Variants in NCK2 observed in about 807,000 individuals in gnomAD.
NCK2 encodes the protein cytoplasmic protein NCK2.
In NCK2, 16 loss-of-function variants were observed where a neutral mutation model predicts 33.9. The ratio of observed to expected loss-of-function variants is 0.47; its 90% confidence interval spans 0.32 to 0.72. The LOEUF (loss-of-function observed/expected upper bound fraction) is 0.72, where lower values mean the gene tolerates loss of function less well. Ranked by LOEUF, NCK2 falls within the 30% of genes least tolerant of loss-of-function variation. The pLI is 0.03. For synonymous variants in NCK2, 273 were observed against 239.9 expected (o/e 1.14, Z -1.27); for missense variants, 418 against 537.3 (o/e 0.78, Z 2.19).
chr2:105,774,225 T>C (rs1573576500), intron 1 of NCK2, among the ~76,000 whole-genome samples: 1 of 152,012 alleles, frequency 6.6e-6, no homozygotes, highest in African/African-American at 2.4e-5. Flanking sequence ...GCCAGGCTGG[T>C]CTCGAACTCC....
At chr2:105,824,814 A>G (rs1356567977) in intron 2 of NCK2, among the ~76,000 whole-genome samples, 2 of 152,152 alleles carry the variant, frequency 1.3e-5, no homozygotes, top group Non-Finnish European at 2.9e-5. Flanking sequence ...CACAGGCAGG[A>G]CAGTAACACA....
intron 2 of NCK2, among the ~76,000 whole-genome samples, chr2:105,843,819 C>T (rs1676742946): frequency 6.6e-6 from 1 of 152,172 alleles, no homozygotes; most frequent in Non-Finnish European, 1.5e-5. Context: ...ATGCTTTGCC[C>T]TCAAGGAGAT....
intron 3 of NCK2, among the ~76,000 whole-genome samples, chr2:105,875,266 G>A (rs991296874): frequency 6.6e-6 from 1 of 152,156 alleles, no homozygotes; most frequent in African/African-American, 2.4e-5. Context: ...TCTGTCACTC[G>A]TCTCATCTGT....
chr2:105,807,631 C>G (rs915844554), intron 1 of NCK2, among the ~76,000 whole-genome samples: 1 of 152,006 alleles, frequency 6.6e-6, no homozygotes, highest in Non-Finnish European at 1.5e-5. Flanking sequence ...GCCCTTGAGC[C>G]CCTGCGGAGG....
chr2:105,815,780 G>A (rs1411617172), intron 1 of NCK2, among the ~76,000 whole-genome samples: 1 of 152,208 alleles, frequency 6.6e-6, no homozygotes, highest in Non-Finnish European at 1.5e-5. Flanking sequence ...AGAGAGGAAC[G>A]AGTCTCTAAA....
At chr2:105,775,732 G>T (rs1459309911) in intron 1 of NCK2, among the ~76,000 whole-genome samples, 1 of 152,122 alleles carries the variant, frequency 6.6e-6, no homozygotes, top group African/African-American at 2.4e-5. Flanking sequence ...GAGCCTGGCT[G>T]GCATCACTGG....
chr2:105,858,026 T>C (rs1251931424), intron 3 of NCK2, among the ~76,000 whole-genome samples: 1 of 151,154 alleles, frequency 6.6e-6, no homozygotes. Context: ...GTGTTTTGTT[T>C]TTTGTTCTTT....
At chr2:105,794,898 A>G (rs1462247536) in intron 1 of NCK2, among the ~76,000 whole-genome samples, 4 of 152,280 alleles carry the variant, frequency 2.6e-5, no homozygotes, top group Admixed American at 2.6e-4. Context: ...TGTCCAGAGA[A>G]TGATTATTTT....
chr2:105,879,704 A>AG (rs1192973702), intron 3 of NCK2, among the ~76,000 whole-genome samples: 4 of 152,198 alleles, frequency 2.6e-5, no homozygotes, highest in Non-Finnish European at 5.9e-5. Flanking sequence ...TGGCAGTGGG[A>AG]GGGGGGCAGC....
chr2:105,809,804 A>G (rs1429739703), intron 1 of NCK2, among the ~76,000 whole-genome samples: 1 of 152,148 alleles, frequency 6.6e-6, no homozygotes. Context: ...GGAGCCATCC[A>G]GGAGGTCTTC....
intron 3 of NCK2, among the ~76,000 whole-genome samples, chr2:105,880,936 A>ATTTTTTTTTTTTTTT (rs59005322): frequency 9.7e-6 from 1 of 103,542 alleles, no homozygotes; most frequent in East Asian, 3.4e-4. Flanking sequence ...CAGGTGGCTA[A>ATTTTTTTTTTTTTTT]TTTTTTTTTT....
intron 1 of NCK2, among the ~76,000 whole-genome samples, chr2:105,754,288 G>A (rs1385572045): frequency 2.0e-5 from 3 of 152,194 alleles, no homozygotes. Flanking sequence ...GCAATGGTGG[G>A]GGCAGCCAGG....
At chr2:105,836,032 G>A (rs190127499) in intron 2 of NCK2, among the ~76,000 whole-genome samples, 50 of 147,462 alleles carry the variant, frequency 3.4e-4, no homozygotes, top group African/African-American at 1.1e-3. Context: ...TTCTGATTTC[G>A]TTGAATTTTC....
intron 4 of NCK2, among the ~76,000 whole-genome samples, chr2:105,887,408 G>A (rs1421603028): frequency 1.3e-5 from 2 of 152,178 alleles, no homozygotes; most frequent in Admixed American, 6.5e-5. Flanking sequence ...TCTCTCTGGG[G>A]GTAGAAGGAG....
intron 1 of NCK2, among the ~76,000 whole-genome samples, chr2:105,786,062 C>G (rs575593631): frequency 2.6e-5 from 4 of 152,282 alleles, no homozygotes; most frequent in South Asian, 2.1e-4. Flanking sequence ...TTGCCTTATT[C>G]TCACGTCCCT....
chr2:105,835,451 T>C (rs1237280012), intron 2 of NCK2, among the ~76,000 whole-genome samples: 1 of 45,928 alleles, frequency 2.2e-5, no homozygotes, highest in Non-Finnish European at 5.0e-5. Context: ...ATTTTGAATA[T>C]ATCATAGTGA....
intron 1 of NCK2, among the ~76,000 whole-genome samples, chr2:105,812,436 T>C (rs1401596459): frequency 6.6e-6 from 1 of 152,156 alleles, no homozygotes; most frequent in East Asian, 1.9e-4. Context: ...TTCCAAGTGG[T>C]TCACTAGGAA....
rs776018493 is a variant in NCK2 at position 105,841,641 on chromosome 2, T to G, written c.-16-13407T>G. ...CTTCTTGGAGGGTGGAGGGTGGGGTTGAAAGTCCCAACCCTCTAATCCTGC... is the reference window on the plus strand; with the variant it reads ...CTTCTTGGAGGGTGGAGGGTGGGGTGGAAAGTCCCAACCCTCTAATCCTGC... On this transcript the variant is annotated intron_variant, in intron 2 of 4. Transcript: ENST00000233154. 2.0e-5 allele frequency among the ~76,000 whole-genome samples: 3 copies of G among 152,238 alleles called. No homozygotes were observed. The East Asian group carries it at 5.8e-4, about 29-fold the overall frequency.
chr2:105,772,722 C>T (rs12479428), intron 1 of NCK2, among the ~76,000 whole-genome samples: 47,118 of 151,750 alleles, frequency 0.31, 8,760 homozygotes, highest in East Asian at 0.45. Context: ...AGTTTTTCCC[C>T]GAAACTCTTC....
Sources: allele counts gnomAD v4.1 joint callset (sites outside exome capture counted in the v4.1 genomes callset), GRCh38; gene constraint gnomAD v4.1.1; transcripts MANE v1.5; gene names NCBI Gene and HGNC (gene_info 2026-07-23, HGNC 2026-07-21).